The following COL23A1 variants were observed in gnomAD, a reference collection of about 807,000 sequenced individuals.
COL23A1 encodes the protein collagen alpha-1(XXIII) chain.
A neutral mutation model predicts 99.3 loss-of-function variants in COL23A1; 97 were observed. That is an observed-to-expected ratio of 0.98 (90% CI 0.83 to 1.16). The LOEUF is 1.16. COL23A1 is among the 50% of genes most tolerant of loss of function. The pLI is 0.00. For missense variants in COL23A1, 762 were observed against 757.4 expected, an observed-to-expected ratio of 1.01 and a Z score of -0.07; for synonymous variants, 320 against 308.2, an observed-to-expected ratio of 1.04 and a Z score of -0.40.
chr5:178,577,470 C>T (rs895162967), intron 1 of COL23A1, among the ~76,000 whole-genome samples: 1 of 152,254 alleles, frequency 6.6e-6, no homozygotes, highest in African/African-American at 2.4e-5. Flanking sequence ...GCCACCTCGG[C>T]GTGGTGCTGT....
intron 2 of COL23A1, among the ~76,000 whole-genome samples, chr5:178,523,218 AG>A (rs1760096253): frequency 9.1e-5 from 11 of 120,814 alleles, no homozygotes. Context: ...AGAGAGAGAG[AG>A]AGAGAGACAG....
chr5:178,520,911 T>C (rs1024073753), intron 2 of COL23A1, among the ~76,000 whole-genome samples: 2 of 152,232 alleles, frequency 1.3e-5, no homozygotes, highest in African/African-American at 4.8e-5. Context: ...CACAGTCCTG[T>C]GTCACTAAAC....
At chr5:178,534,324 G>A (rs961495077) in intron 2 of COL23A1, among the ~76,000 whole-genome samples, 33 of 152,078 alleles carry the variant, frequency 2.2e-4, no homozygotes, top group African/African-American at 6.5e-4. Flanking sequence ...GAGCTCCACC[G>A]TCATGACTTA....
At chr5:178,582,451 C>A (rs941459433) in intron 1 of COL23A1, among the ~76,000 whole-genome samples, 2 of 152,128 alleles carry the variant, frequency 1.3e-5, no homozygotes, top group East Asian at 1.9e-4. Flanking sequence ...AGAATTATTT[C>A]GAGAGAAGGG....
At chr5:178,348,995 C>T (rs1761146517) in intron 2 of COL23A1, among the ~76,000 whole-genome samples, 1 of 152,070 alleles carries the variant, frequency 6.6e-6, no homozygotes, top group African/African-American at 2.4e-5. Context: ...AACACATGTG[C>T]AAAGGTGCTC....
chr5:178,267,966 A>G (rs1755997615), intron 7 of COL23A1, among the ~76,000 whole-genome samples: 1 of 152,218 alleles, frequency 6.6e-6, no homozygotes, highest in Non-Finnish European at 1.5e-5. Flanking sequence ...CCAAGGTCAC[A>G]CAGTTGGTGG....
At chr5:178,518,018 G>C (rs1178498711) in intron 2 of COL23A1, among the ~76,000 whole-genome samples, 1 of 129,664 alleles carries the variant, frequency 7.7e-6, no homozygotes. Context: ...AAGATCTCTG[G>C]TTTTCCTAGG....
intron 2 of COL23A1, among the ~76,000 whole-genome samples, chr5:178,324,897 C>T (rs994469935): frequency 3.3e-5 from 5 of 152,210 alleles, no homozygotes; most frequent in Non-Finnish European, 7.4e-5. Context: ...ACAGTTCCTG[C>T]CCACCCCTCC....
At chr5:178,523,201 T>TATATATACACATATATATATATATATAG (rs1223542330) in intron 2 of COL23A1, among the ~76,000 whole-genome samples, 2 of 77,630 alleles carry the variant, frequency 2.6e-5, no homozygotes, top group African/African-American at 9.3e-5. Flanking sequence ...TATATATATA[T>TATATATACACATATATATATATATATAG]AGAGAGAGAG....
chr5:178,529,886 A>G (rs1248663986), intron 2 of COL23A1, among the ~76,000 whole-genome samples: 1 of 152,224 alleles, frequency 6.6e-6, no homozygotes, highest in Non-Finnish European at 1.5e-5. Context: ...CTGCTGTATA[A>G]TGACTCTCAA....
chr5:178,272,563 G>A (rs903659539), intron 5 of COL23A1, among the ~76,000 whole-genome samples: 1 of 152,024 alleles, frequency 6.6e-6, no homozygotes, highest in African/African-American at 2.4e-5. Context: ...GGCCCTGGGG[G>A]CCCCGGGTCA....
At chr5:178,381,911 C>T (rs915698754) in intron 2 of COL23A1, among the ~76,000 whole-genome samples, 2 of 152,248 alleles carry the variant, frequency 1.3e-5, no homozygotes, top group African/African-American at 2.4e-5. Flanking sequence ...GCTGGGATTA[C>T]AGGCACGAAC....
chr5:178,386,782 T>A (rs1763699133), intron 2 of COL23A1, among the ~76,000 whole-genome samples: 1 of 152,106 alleles, frequency 6.6e-6, no homozygotes, highest in South Asian at 2.1e-4. Flanking sequence ...TGAACCTCGG[T>A]TCCTGGGGAG....
chr5:178,466,473 C>T (rs1210547711), intron 2 of COL23A1, among the ~76,000 whole-genome samples: 1 of 152,206 alleles, frequency 6.6e-6, no homozygotes, highest in Admixed American at 6.5e-5. Context: ...AACTCAGCTA[C>T]GGGAAACTGA....
chr5:178,472,489 C>T (rs1756807359), intron 2 of COL23A1, among the ~76,000 whole-genome samples: 3 of 152,130 alleles, frequency 2.0e-5, no homozygotes, highest in Admixed American at 6.5e-5. Context: ...TTAAATGCTT[C>T]CCAGCTATTT....
In COL23A1 at chr5:178,357,798, GTGTGTGTGTA is replaced by G. The variant is rs1325905778; in HGVS notation, c.362-50889_362-50880del. Among the ~76,000 whole-genome samples the G allele has an allele frequency of 4.6e-3, 520 of 112,244 alleles. 2 individuals are homozygous for G. The highest frequency in any genetic ancestry group is 0.015 in the African/African-American group (489 of 32,010). The allele number at this position is 112,244 out of a possible 152,430, so 73.6% of individuals were successfully genotyped here. ...TGTGTATGTGTATGTGTGTGTGTAT[GTGTGTGTGTA>G]TGTGTGTATGTGTGTTTATGTGTAT... On this transcript the variant is annotated intron_variant, in intron 2 of 28. Coordinates refer to ENST00000390654, the MANE Select transcript of COL23A1 (RefSeq NM_173465.4).
At chr5:178,242,233 C>T in intron 26 of COL23A1, 105 bp from the exon 27 acceptor site, 1 of 1,471,290 alleles carries the variant, frequency 6.8e-7, no homozygotes, top group Non-Finnish European at 9.3e-7. Flanking sequence ...CCTGCCTCCG[C>T]CCACCTGCCC....
chr5:178,456,436 C>T lies in COL23A1; in HGVS notation c.361+104246G>A, dbSNP rs1002843082. On this transcript the variant is annotated intron_variant, in intron 2 of 28. Coordinates refer to ENST00000390654, the MANE Select transcript of COL23A1 (RefSeq NM_173465.4). The stretch of plus-strand genomic sequence containing the variant: ...GAGTTTGGCCGGGCATGGTGGCTCA[C>T]GCCTGTAATCCCAGCACTTTGAGAG... Among the ~76,000 whole-genome samples, 3 of 152,108 alleles carry T rather than the reference C, an allele frequency of 2.0e-5. 1 individual carries two copies. Among genetic ancestry groups the T allele is most frequent in the South Asian group, 2.1e-4 (1 of 4,828 alleles).
At chr5:178,582,586 G>A (rs1433511411) in intron 1 of COL23A1, among the ~76,000 whole-genome samples, 3 of 152,290 alleles carry the variant, frequency 2.0e-5, no homozygotes, top group South Asian at 2.1e-4. Context: ...CCCTGGCTGC[G>A]CCAGCCCCAC....
Sources: gnomAD v4.1 joint callset for allele counts (sites outside exome capture counted in the v4.1 genomes callset) on GRCh38, gnomAD v4.1.1 for gene constraint, MANE v1.5 for transcripts, NCBI Gene and HGNC (gene_info 2026-07-23, HGNC 2026-07-21) for gene names.